Variants in PSMB1 observed in about 807,000 individuals in gnomAD.
PSMB1 encodes proteasome 20S subunit beta 1.
In PSMB1, 7 loss-of-function variants were observed where a neutral mutation model predicts 25.4. The observed-to-expected ratio is 0.28, with a 90% CI of 0.16 to 0.52. PSMB1 has a LOEUF of 0.52. Ranked by LOEUF, PSMB1 falls within the 20% of genes least tolerant of loss-of-function variation. The pLI is 0.97. For missense variants in PSMB1, 284 were observed against 302.2 expected, an observed-to-expected ratio of 0.94 and a Z score of 0.45; for synonymous variants, 119 against 115.0, an observed-to-expected ratio of 1.03 and a Z score of -0.22.
chr6:170,543,570 C>T (rs529002039), intron 4 of PSMB1, 31 bp downstream of exon 4: 15 of 1,573,676 alleles, frequency 9.5e-6, no homozygotes, highest in East Asian at 2.3e-5. Context: ...ACTCCTCCCC[C>T]CCACCATTTT....
At position 170,539,821 on chromosome 6, in the gene PSMB1, GA is replaced by G. The variant is rs748290288; in HGVS notation, c.434-2482del. On this transcript the variant is annotated intron_variant, in intron 4 of 5. Coordinates refer to ENST00000262193, the MANE Select transcript of PSMB1 (RefSeq NM_002793.4). ...CATAGTGTTTATATTAAGAAAACAG[GA>G]AGCCAAAATGCCCTTTAGAGGACTG... Among the ~76,000 whole-genome samples the G allele has an allele frequency of 5.9e-5, 9 of 152,106 alleles. No homozygotes were observed. In the East Asian group the frequency reaches 1.2e-3, roughly 20 times the overall value.
intron 4 of PSMB1, among the ~76,000 whole-genome samples, chr6:170,538,519 T>C (rs1778720884): frequency 6.6e-6 from 1 of 152,062 alleles, no homozygotes; most frequent in Admixed American, 6.6e-5. Context: ...GCCAACACAG[T>C]GAAACCCCAT....
intron 1 of PSMB1, chr6:170,550,021 A>T (rs1258320859): frequency 6.6e-6 from 1 of 152,202 alleles, no homozygotes; most frequent in Non-Finnish European, 1.5e-5. Context: ...TGATAACAGT[A>T]CCTGTGTCAC....
In PSMB1 at chr6:170,549,117, A is replaced by T. The variant is rs1778859551; in HGVS notation, c.114-4T>A. On this transcript the variant is annotated splice_region_variant and splice_polypyrimidine_tract_variant and intron_variant, in intron 1 of 5. Coordinates refer to ENST00000262193, the MANE Select transcript of PSMB1 (RefSeq NM_002793.4). Reference sequence around the variant, plus strand: ...TCCAGCAATTGCCAGTATAGTACTGAGGAAAAAAGAAAAAAATTAATTCTC... The same window carrying T: ...TCCAGCAATTGCCAGTATAGTACTGTGGAAAAAAGAAAAAAATTAATTCTC... 1.3e-6 allele frequency: 2 copies of T among 1,577,262 alleles called. No homozygotes were observed. Among genetic ancestry groups the T allele is most frequent in the Non-Finnish European group, 1.7e-6 (2 of 1,147,982 alleles).
At chr6:170,536,163 G>A (rs1006906706) in intron 5 of PSMB1, 3 of 315,838 alleles carry the variant, frequency 9.5e-6, no homozygotes, top group Non-Finnish European at 1.3e-5. Context: ...AACACACTGA[G>A]AAGTTTTTGG....
At chr6:170,535,475 C>T in intron 5 of PSMB1, 70 bp from the exon 6 acceptor site, 1 of 1,303,880 alleles carries the variant, frequency 7.7e-7, no homozygotes, top group African/African-American at 1.5e-5. Flanking sequence ...CAAGTTTCTT[C>T]CAATACCCTC....
intron 3 of PSMB1, among the ~76,000 whole-genome samples, chr6:170,544,871 G>C (rs1196425617): frequency 6.6e-6 from 1 of 152,176 alleles, no homozygotes; most frequent in Admixed American, 6.5e-5. Context: ...CGGGCACAGT[G>C]GCTCACTGCT....
In PSMB1 at chr6:170,543,671, A is replaced by G. The variant is rs764162743; in HGVS notation, c.363T>C (p.Ser121=). 2.9e-5 allele frequency: 46 copies of G among 1,611,856 alleles called. No individual in the cohort carries two copies. The East Asian group carries it at 1.0e-3, about 35-fold the overall frequency. The stretch of plus-strand genomic sequence containing the variant: ...AGAAGCGCCTTGAATACAGGATTGT[A>G]GACAGCATTGCAGCAATTGCCCCCG... The part of the protein sequence containing the change: ...MTTGAIAAML[S]TILYSRRFFP... The change falls in exon 4 of 6, where the codon TCT becomes TCC. Residue 121 remains serine, a synonymous_variant. Coordinates refer to ENST00000262193, the MANE Select transcript of PSMB1 (RefSeq NM_002793.4).
intron 4 of PSMB1, among the ~76,000 whole-genome samples, chr6:170,539,890 G>C (rs892386542): frequency 1.3e-5 from 2 of 152,024 alleles, no homozygotes; most frequent in Admixed American, 1.3e-4. Flanking sequence ...AAAAACAGAA[G>C]ACAAAAAAAT....
intron 1 of PSMB1, among the ~76,000 whole-genome samples, chr6:170,552,416 T>C (rs2114983535): frequency 6.6e-6 from 1 of 152,230 alleles, no homozygotes; most frequent in South Asian, 2.1e-4. Context: ...ATAAAGCTGG[T>C]AATTAAAATA....
chr6:170,541,589 A>G (rs1233606551), intron 4 of PSMB1, among the ~76,000 whole-genome samples: 2 of 152,196 alleles, frequency 1.3e-5, no homozygotes, highest in African/African-American at 4.8e-5. Flanking sequence ...CAGGTAAAAG[A>G]GCTGAAAACT....
intron 5 of PSMB1, among the ~76,000 whole-genome samples, chr6:170,536,888 C>A (rs1778700993): frequency 6.6e-6 from 1 of 151,734 alleles, no homozygotes; most frequent in Non-Finnish European, 1.5e-5. Context: ...TTGGGTAACA[C>A]AGAAAGGGGG....
In PSMB1 at chr6:170,547,881, C is replaced by CAAAAAAAA. The variant is rs5881874; in HGVS notation, c.221+1117_221+1124dup. Among the ~76,000 whole-genome samples the CAAAAAAAA allele has an allele frequency of 1.3e-3, 145 of 112,280 alleles. 3 individuals carry two copies. Among genetic ancestry groups the CAAAAAAAA allele is most frequent in the Middle Eastern group, 0.011 (2 of 190 alleles). The allele number at this position is 112,280 out of a possible 152,430, so 73.7% of individuals were successfully genotyped here. On this transcript the variant is annotated intron_variant, in intron 2 of 5. Coordinates refer to ENST00000262193, the MANE Select transcript of PSMB1 (RefSeq NM_002793.4). ...CTATCTCTATATCTGACGTGTTTCA[C>CAAAAAAAA]AAAAAAAAAAAAAAAAAGTGCTCAC... is the stretch of plus-strand genomic sequence containing the variant.
chr6:170,540,581 T>A (rs1583113587), intron 4 of PSMB1, among the ~76,000 whole-genome samples: 1 of 93,624 alleles, frequency 1.1e-5, no homozygotes, highest in African/African-American at 4.6e-5. Context: ...TCAATGTGAA[T>A]GGACAGCAAA....
chr6:170,552,085 A>G (rs1040848318), intron 1 of PSMB1, among the ~76,000 whole-genome samples: 5 of 152,156 alleles, frequency 3.3e-5, no homozygotes, highest in African/African-American at 4.8e-5. Flanking sequence ...TGTTTTTAAA[A>G]TTTATTTTTG....
chr6:170,549,235 A>C, intron 1 of PSMB1, 122 bp from the exon 2 acceptor site: 1 of 525,192 alleles, frequency 1.9e-6, no homozygotes, highest in Non-Finnish European at 3.3e-6. Flanking sequence ...CATGATTCAA[A>C]TGGGAAGAGG....
At chr6:170,549,673 T>C (rs896069052) in intron 1 of PSMB1, 3 of 152,234 alleles carry the variant, frequency 2.0e-5, no homozygotes, top group Non-Finnish European at 4.4e-5. Context: ...AGACTTACAG[T>C]AGAATTCCAA....
chr6:170,551,059 G>A lies in PSMB1; in HGVS notation c.114-1946C>T, dbSNP rs528723713. 5.3e-5 allele frequency among the ~76,000 whole-genome samples: 8 copies of A among 152,154 alleles called. No individual in the cohort carries two copies. The East Asian group carries it at 1.4e-3, about 26-fold the overall frequency. On this transcript the variant is annotated intron_variant, in intron 1 of 5. Transcript: ENST00000262193. ...ACTCGGGAGGCTGAGGCAGAAATGC[G>A]TGAACCCAGGAGTTGGAGGTTGCAG...
At chr6:170,541,453 T>A (rs1393671916) in intron 4 of PSMB1, among the ~76,000 whole-genome samples, 1 of 152,102 alleles carries the variant, frequency 6.6e-6, no homozygotes, top group East Asian at 1.9e-4. Context: ...AGGAGGATGC[T>A]AATGAGGAAG....
Sources: gnomAD v4.1 joint callset for allele counts (sites outside exome capture counted in the v4.1 genomes callset) on GRCh38, gnomAD v4.1.1 for gene constraint, MANE v1.5 for transcripts, NCBI Gene and HGNC (gene_info 2026-07-23, HGNC 2026-07-21) for gene names.